Variants in LYRM4 observed in about 807,000 individuals in gnomAD.
LYRM4 encodes the protein LYR motif-containing protein 4.
Under a neutral mutation model 11.7 loss-of-function variants are expected in LYRM4, and 9 were observed. The observed-to-expected ratio is 0.77, with a 90% CI of 0.46 to 1.34. LYRM4 has a LOEUF of 1.34. Among genes scored for constraint, LYRM4 ranks in the 40% most tolerant of loss-of-function variants. The probability of loss-of-function intolerance (pLI) is 0.00; values close to 1 mark genes in which losing one functional copy is unlikely to be tolerated. For missense variants in LYRM4, 133 were observed against 112.5 expected, an observed-to-expected ratio of 1.18 and a Z score of -0.82; for synonymous variants, 42 against 40.4, an observed-to-expected ratio of 1.04 and a Z score of -0.15.
chr6:5,091,755 T>C, the LYRM4 span, among the ~76,000 whole-genome samples: 9 of 152,310 alleles, frequency 5.9e-5, no homozygotes, highest in Middle Eastern at 3.4e-3. Context: ...AAAGGCTATT[T>C]AAGTAAGTCA....
chr6:5,066,638 T>A, the LYRM4 span: 1 of 1,192,110 alleles, frequency 8.4e-7, no homozygotes, highest in East Asian at 2.3e-5. Flanking sequence ...TGGCACCAAT[T>A]TCAAGTAATG....
chr6:5,175,624 C>T (rs1351731543), intron 2 of LYRM4, among the ~76,000 whole-genome samples: 2 of 152,172 alleles, frequency 1.3e-5, no homozygotes, highest in Non-Finnish European at 2.9e-5. Flanking sequence ...CAGGGTCACA[C>T]ATTTTGTGAC....
At chr6:5,124,242 C>T (rs997127795) in intron 2 of LYRM4, among the ~76,000 whole-genome samples, 1 of 152,110 alleles carries the variant, frequency 6.6e-6, no homozygotes, top group Non-Finnish European at 1.5e-5. Context: ...CTCCACATAC[C>T]GGCCCAGAAG....
chr6:5,168,109 TA>T (rs113660808), intron 2 of LYRM4, among the ~76,000 whole-genome samples: 176 of 134,464 alleles, frequency 1.3e-3, no homozygotes, highest in African/African-American at 3.2e-3. Context: ...TCATGATACT[TA>T]AAAAAAAAAA....
chr6:5,253,196 T>C (rs1371370313), intron 1 of LYRM4, among the ~76,000 whole-genome samples: 1 of 152,248 alleles, frequency 6.6e-6, no homozygotes, highest in East Asian at 1.9e-4. Flanking sequence ...ACACTTGGTA[T>C]GCATTTGGGC....
intron 2 of LYRM4, among the ~76,000 whole-genome samples, chr6:5,118,336 C>G (rs1242583183): frequency 6.6e-6 from 1 of 152,090 alleles, no homozygotes; most frequent in Non-Finnish European, 1.5e-5. Context: ...AGGCCGGTCG[C>G]AAACTCCTGA....
intron 1 of LYRM4, among the ~76,000 whole-genome samples, chr6:5,225,247 C>CAAAAAAAAA (rs35803077): frequency 1.3e-5 from 1 of 77,012 alleles, no homozygotes; most frequent in Non-Finnish European, 2.5e-5. Flanking sequence ...GACTCCGAAT[C>CAAAAAAAAA]AAAAAAAAAA....
At chr6:5,119,727 T>C (rs888916974) in intron 2 of LYRM4, among the ~76,000 whole-genome samples, 1 of 138,942 alleles carries the variant, frequency 7.2e-6, no homozygotes, top group Non-Finnish European at 1.5e-5. Context: ...AGGCAGAGGT[T>C]GCAGTGAGCC....
intron 2 of LYRM4, among the ~76,000 whole-genome samples, chr6:5,143,267 G>A (rs1187095994): frequency 1.3e-5 from 2 of 152,186 alleles, no homozygotes; most frequent in African/African-American, 4.8e-5. Context: ...CTTACACAGG[G>A]GATCAAATAT....
chr6:5,228,028 T>C (rs1287130828), intron 1 of LYRM4, among the ~76,000 whole-genome samples: 1 of 152,022 alleles, frequency 6.6e-6, no homozygotes, highest in Admixed American at 6.5e-5. Flanking sequence ...CAAATACCTA[T>C]TGCATGTGAA....
intron 2 of LYRM4, among the ~76,000 whole-genome samples, chr6:5,153,214 CCTGAGTAGCTGGGATTA>C (rs1758195855): frequency 1.3e-5 from 2 of 152,166 alleles, no homozygotes; most frequent in South Asian, 4.2e-4. Flanking sequence ...GCCTCAGCCT[CCTGAGTAGCTGGGATTA>C]CAGGTGTGCA....
intron 2 of LYRM4, among the ~76,000 whole-genome samples, chr6:5,206,652 G>A (rs1761715087): frequency 6.6e-6 from 1 of 152,314 alleles, no homozygotes; most frequent in East Asian, 1.9e-4. Flanking sequence ...GAATCCTTAT[G>A]ACTTCAGGGT....
the LYRM4 span, chr6:5,085,947 G>A: frequency 1.2e-5 from 18 of 1,526,806 alleles, no homozygotes; most frequent in Admixed American, 2.0e-5. Context: ...CGGAGGAGCC[G>A]CAGGTGCCGC....
At chr6:5,097,218 C>G in the LYRM4 span, among the ~76,000 whole-genome samples, 1 of 152,216 alleles carries the variant, frequency 6.6e-6, no homozygotes, top group African/African-American at 2.4e-5. Context: ...CAGGCTTGCT[C>G]AGGTTTCTCT....
chr6:5,040,316 A>AATAGATAGATAG, the LYRM4 span, among the ~76,000 whole-genome samples: 13,796 of 124,750 alleles, frequency 0.11, 929 homozygotes, highest in East Asian at 0.17. Flanking sequence ...TATCTCTAAC[A>AATAGATAGATAG]ATAGATAGAT....
At chr6:5,187,776 AAGAC>A (rs1240882168) in intron 2 of LYRM4, among the ~76,000 whole-genome samples, 1 of 152,194 alleles carries the variant, frequency 6.6e-6, no homozygotes, top group East Asian at 1.9e-4. Context: ...ATAAAAATAA[AAGAC>A]AGGTTTTTAT....
Position 5,183,705 on chromosome 6 carries a change from T to C in LYRM4, c.207+32913A>G, listed in dbSNP as rs191941810. On this transcript the variant is annotated intron_variant, in intron 2 of 2. Transcript: ENST00000330636. ...GCACAGAAGTGGTAATTTCTCATCT[T>C]TCGGCTGTGCAATTATGTGACTAGA... 1.1e-3 allele frequency among the ~76,000 whole-genome samples: 161 copies of C among 152,314 alleles called. 2 individuals carry two copies. The highest frequency in any genetic ancestry group is 9.9e-3 in the Admixed American group (151 of 15,296).
intron 1 of LYRM4, among the ~76,000 whole-genome samples, chr6:5,219,947 CCACAGCCA>C (rs1421428823): frequency 6.6e-6 from 1 of 152,114 alleles, no homozygotes; most frequent in Non-Finnish European, 1.5e-5. Context: ...AGCAGCAGCC[CCACAGCCA>C]CAGAAACAGT....
intron 2 of LYRM4, among the ~76,000 whole-genome samples, chr6:5,203,105 A>G (rs1360861949): frequency 2.6e-5 from 4 of 152,220 alleles, no homozygotes; most frequent in African/African-American, 9.6e-5. Flanking sequence ...TGTCATCAGA[A>G]AACAAATTCC....
Sources: gnomAD v4.1 joint callset for allele counts (sites outside exome capture counted in the v4.1 genomes callset) on GRCh38, gnomAD v4.1.1 for gene constraint, MANE v1.5 for transcripts, NCBI Gene and HGNC (gene_info 2026-07-23, HGNC 2026-07-21) for gene names.